The following MOGAT1 variants were observed in gnomAD, a reference collection of about 807,000 sequenced individuals.
MOGAT1 encodes monoacylglycerol O-acyltransferase 1.
Under a neutral mutation model 31.4 loss-of-function variants are expected in MOGAT1, and 32 were observed. That is an observed-to-expected ratio of 1.02 (90% CI 0.77 to 1.37). The LOEUF is 1.37. MOGAT1 is among the 40% of genes most tolerant of loss of function. The pLI is 0.00. For synonymous variants in MOGAT1, 145 were observed against 144.5 expected (o/e 1.00, Z -0.03); for missense variants, 426 against 402.0 (o/e 1.06, Z -0.51).
chr2:222,679,599 A>G (rs1325845790), intron 1 of MOGAT1, among the ~76,000 whole-genome samples: 1 of 152,260 alleles, frequency 6.6e-6, no homozygotes, highest in Non-Finnish European at 1.5e-5. Flanking sequence ...ATAACAATAC[A>G]ATACTATGAC....
At chr2:222,679,928 C>A (rs1419757150) in intron 1 of MOGAT1, among the ~76,000 whole-genome samples, 1 of 152,182 alleles carries the variant, frequency 6.6e-6, no homozygotes, top group Non-Finnish European at 1.5e-5. Context: ...GAAAAAGCAA[C>A]CTGAAGTGAC....
At chr2:222,704,406 C>T (rs1692972769) in intron 5 of MOGAT1, among the ~76,000 whole-genome samples, 1 of 151,996 alleles carries the variant, frequency 6.6e-6, no homozygotes, top group African/African-American at 2.4e-5. Flanking sequence ...GGGTAGATCA[C>T]GAGGTCAGGA....
chr2:222,682,521 G>A (rs1015321502), intron 1 of MOGAT1, among the ~76,000 whole-genome samples: 3 of 152,196 alleles, frequency 2.0e-5, no homozygotes, highest in Non-Finnish European at 4.4e-5. Context: ...TAGATCCTAT[G>A]AGGAGGCATC....
intron 5 of MOGAT1, among the ~76,000 whole-genome samples, chr2:222,701,299 G>GGAGGAGA (rs1553562915): frequency 1.1e-4 from 10 of 90,544 alleles, no homozygotes; most frequent in African/African-American, 4.0e-4. Context: ...AGGAGGAGGA[G>GGAGGAGA]GAGAGAGAGA....
chr2:222,689,556 T>C (rs2044538), intron 3 of MOGAT1, 87 bp downstream of exon 3: 159,988 of 1,294,538 alleles, frequency 0.12, 12,692 homozygotes, highest in African/African-American at 0.37. Context: ...TGTGTGTTTA[T>C]GGTCTCTTAG....
intron 3 of MOGAT1, among the ~76,000 whole-genome samples, chr2:222,692,766 A>G (rs141681817): frequency 5.8e-4 from 88 of 152,318 alleles, no homozygotes; most frequent in African/African-American, 2.0e-3. Flanking sequence ...AAATAGCAGC[A>G]TTGAAGGATG....
In MOGAT1 at chr2:222,675,825, C is replaced by T. The variant is rs370641315; in HGVS notation, c.94+3946C>T. Among the ~76,000 whole-genome samples, 3 of 151,868 alleles carry T rather than the reference C, an allele frequency of 2.0e-5. No homozygotes were observed. In the East Asian group the frequency reaches 5.8e-4, roughly 29 times the overall value. Reference sequence around the variant, plus strand: ...AAAAATTTTGTCTCATCATGTAGCACCATTTGACTACCCTACAATTCAATT... The same window carrying T: ...AAAAATTTTGTCTCATCATGTAGCATCATTTGACTACCCTACAATTCAATT... On this transcript the variant is annotated intron_variant, in intron 1 of 5. Coordinates refer to ENST00000446656, the MANE Select transcript of MOGAT1 (RefSeq NM_058165.3).
chr2:222,678,574 A>G (rs1692531940), intron 1 of MOGAT1, among the ~76,000 whole-genome samples: 1 of 152,206 alleles, frequency 6.6e-6, no homozygotes, highest in African/African-American at 2.4e-5. Flanking sequence ...GAAGAGCAGA[A>G]GTTTTAATTT....
rs534792157 is a variant in MOGAT1, at chr2:222,696,352, T to C, written c.853+1064T>C. On this transcript the variant is annotated intron_variant, in intron 5 of 5. Transcript: ENST00000446656. ...TTTAAGGAATGTCTACAGTTTTCCC[T>C]AGCGGTTGTACTAGTTCACATTCCT... Among the ~76,000 whole-genome samples the C allele has an allele frequency of 2.0e-4, 30 of 152,354 alleles. No homozygotes were observed. In the South Asian group the frequency reaches 6.2e-3, roughly 32 times the overall value.
intron 1 of MOGAT1, among the ~76,000 whole-genome samples, chr2:222,683,795 T>C (rs1307824046): frequency 2.0e-5 from 3 of 152,124 alleles, no homozygotes; most frequent in Admixed American, 6.5e-5. Flanking sequence ...GAGAGCTAAG[T>C]GAAAACAGAG....
intron 1 of MOGAT1, among the ~76,000 whole-genome samples, chr2:222,677,032 A>G (rs768558312): frequency 3.4e-4 from 51 of 152,226 alleles, no homozygotes; most frequent in Admixed American, 6.5e-5. Flanking sequence ...AACAGTCAAT[A>G]TCTAGTAGGG....
At chr2:222,701,299 G>GGA (rs1553562912) in intron 5 of MOGAT1, among the ~76,000 whole-genome samples, 3,892 of 90,398 alleles carry the variant, frequency 0.043, 81 homozygotes, top group African/African-American at 0.079. Flanking sequence ...AGGAGGAGGA[G>GGA]GAGAGAGAGA....
intron 1 of MOGAT1, among the ~76,000 whole-genome samples, chr2:222,672,911 T>TTATTA (rs1271267851): frequency 4.7e-5 from 7 of 147,950 alleles, no homozygotes; most frequent in Admixed American, 1.4e-4. Context: ...ATTATTATTA[T>TTATTA]TATTATTATT....
intron 5 of MOGAT1, among the ~76,000 whole-genome samples, chr2:222,707,273 A>G (rs1693015881): frequency 6.7e-6 from 1 of 149,660 alleles, no homozygotes; most frequent in African/African-American, 2.5e-5. Flanking sequence ...GAGAGAGAGA[A>G]AGAAGGAGGG....
At position 222,695,130 on chromosome 2, in the gene MOGAT1, T is replaced by G. The variant is rs370229306; in HGVS notation, c.695T>G (p.Leu232Arg). 16 of 1,608,224 alleles carry G rather than the reference T, an allele frequency of 9.9e-6. No homozygotes were observed. The highest frequency in any genetic ancestry group is 1.4e-5 in the Non-Finnish European group (16 of 1,177,768). The change falls in exon 5 of 6, where the codon CTG (leucine) becomes CGG (arginine). Residue 232 changes from leucine to arginine, a missense_variant. Physicochemically the swap from Leu to Arg is moderately radical, Grantham distance 102. Coordinates refer to ENST00000446656, the MANE Select transcript of MOGAT1 (RefSeq NM_058165.3). ...VPVVSFGENE[L>R]FKQTDNPEGS... is the part of the protein sequence containing the mutation. ...GTGGTTTCTTTTGGTGAAAATGAAC[T>G]GTTTAAACAAACTGACAACCCTGAA...
At chr2:222,674,851 G>C (rs982642970) in intron 1 of MOGAT1, among the ~76,000 whole-genome samples, 17 of 151,254 alleles carry the variant, frequency 1.1e-4, no homozygotes, top group African/African-American at 4.1e-4. Flanking sequence ...TTTTCTTTTT[G>C]GTAGAAATGG....
intron 1 of MOGAT1, among the ~76,000 whole-genome samples, chr2:222,682,779 A>G (rs1455128523): frequency 6.6e-6 from 1 of 152,230 alleles, no homozygotes; most frequent in Admixed American, 6.5e-5. Context: ...GCATGCTACA[A>G]CATGGATGAA....
At chr2:222,676,370 C>CT (rs1574968574) in intron 1 of MOGAT1, among the ~76,000 whole-genome samples, 2 of 152,256 alleles carry the variant, frequency 1.3e-5, no homozygotes, top group East Asian at 3.9e-4. Context: ...TATATACTCT[C>CT]TTTTTGTCTG....
In MOGAT1 at chr2:222,671,896, C is replaced by A. The variant is rs1376942193; in HGVS notation, c.94+17C>A. ...TGCTGCTCGGTAAGGACCCCGCCCC[C>A]CGGGCCGCGGGGCTTGGGCTCCATA... On this transcript the variant is annotated intron_variant, in intron 1 of 5. Transcript: ENST00000446656. 6.5e-7 allele frequency: 1 copy of A among 1,546,878 alleles called. No homozygotes were observed. The highest frequency in any genetic ancestry group is 2.0e-5 in the Admixed American group (1 of 50,996).
Sources: allele counts gnomAD v4.1 joint callset (sites outside exome capture counted in the v4.1 genomes callset), GRCh38; gene constraint gnomAD v4.1.1; transcripts MANE v1.5; gene names NCBI Gene and HGNC (gene_info 2026-07-23, HGNC 2026-07-21).